SLC10A7: variants seen among roughly 807,000 people sequenced by gnomAD.
The protein encoded by SLC10A7 is solute carrier family 10 member 7.
In SLC10A7, 29 loss-of-function variants were observed where a neutral mutation model predicts 43.2. The ratio of observed to expected loss-of-function variants is 0.67; its 90% CI spans 0.50 to 0.92. SLC10A7 has a LOEUF of 0.92. Among genes scored for constraint, SLC10A7 ranks in the 40% least tolerant of loss-of-function variants. The pLI is 0.00. For synonymous variants in SLC10A7, 152 were observed against 144.8 expected (o/e 1.05, Z -0.35); for missense variants, 295 against 403.2 (o/e 0.73, Z 2.30).
chr4:146,483,860 A>C (rs1560952968), intron 4 of SLC10A7, among the ~76,000 whole-genome samples: 1 of 152,192 alleles, frequency 6.6e-6, no homozygotes, highest in Non-Finnish European at 1.5e-5. Flanking sequence ...ACTTCAAGTC[A>C]AAAACTGTCA....
chr4:146,261,755 T>G (rs1728238750), intron 10 of SLC10A7, among the ~76,000 whole-genome samples: 2 of 152,140 alleles, frequency 1.3e-5, no homozygotes, highest in African/African-American at 2.4e-5. Flanking sequence ...AAGTGAATAA[T>G]GTTAAAAATA....
At chr4:146,513,097 ATTGT>A (rs1181583529) in intron 2 of SLC10A7, among the ~76,000 whole-genome samples, 1 of 152,070 alleles carries the variant, frequency 6.6e-6, no homozygotes, top group African/African-American at 2.4e-5. Context: ...AATTGTTAAC[ATTGT>A]TTGTCTCCAG....
In SLC10A7 at chr4:146,521,871, G is replaced by A. The variant is rs1738721442; in HGVS notation, c.-154C>T. 4 of 628,052 alleles carry A rather than the reference G, an allele frequency of 6.4e-6. No homozygotes were observed. The highest frequency in any genetic ancestry group is 5.7e-5 in the East Asian group (2 of 35,296). 38.9% of individuals were successfully genotyped at this position (628,052 alleles called of 1,614,324 possible). A position where few individuals can be genotyped will look rare whatever the true frequency, so the allele number is the denominator to read the frequency against. On this transcript the variant is annotated 5_prime_UTR_variant, in exon 1 of 12. Transcript: ENST00000335472. ...TTGCCGATTGTAAAGTAAAGACCTGGGGGTTGCTCCGGCGGCTTTGAGGAG... is the reference window on the plus strand; with the variant it reads ...TTGCCGATTGTAAAGTAAAGACCTGAGGGTTGCTCCGGCGGCTTTGAGGAG...
intron 4 of SLC10A7, among the ~76,000 whole-genome samples, chr4:146,503,145 G>A (rs1238247811): frequency 6.6e-6 from 1 of 152,186 alleles, no homozygotes; most frequent in Non-Finnish European, 1.5e-5. Context: ...AGAATCCTAA[G>A]AATGAACTGA....
intron 10 of SLC10A7, among the ~76,000 whole-genome samples, chr4:146,264,459 CCATTCATTCATT>C (rs139509340): frequency 5.9e-5 from 9 of 151,986 alleles, no homozygotes; most frequent in African/African-American, 1.2e-4. Flanking sequence ...TATGTTCCTA[CCATTCATTCATT>C]CATTCATTCA....
chr4:146,272,014 T>C (rs1440316743), intron 10 of SLC10A7, among the ~76,000 whole-genome samples: 1 of 152,196 alleles, frequency 6.6e-6, no homozygotes, highest in African/African-American at 2.4e-5. Context: ...TCCTGTATAT[T>C]CAAGTGTCTG....
At chr4:146,472,774 A>C (rs1483647047) in intron 4 of SLC10A7, among the ~76,000 whole-genome samples, 1 of 152,206 alleles carries the variant, frequency 6.6e-6, no homozygotes, top group Non-Finnish European at 1.5e-5. Flanking sequence ...CCATTTTTCT[A>C]TGTCTGTTTA....
At chr4:146,316,089 T>C (rs561872487) in intron 6 of SLC10A7, among the ~76,000 whole-genome samples, 1 of 152,246 alleles carries the variant, frequency 6.6e-6, no homozygotes, top group African/African-American at 2.4e-5. Flanking sequence ...AAGATTAATA[T>C]GAAATTCCAA....
chr4:146,479,906 T>C (rs1321707834), intron 4 of SLC10A7, among the ~76,000 whole-genome samples: 1 of 152,114 alleles, frequency 6.6e-6, no homozygotes, highest in Non-Finnish European at 1.5e-5. Flanking sequence ...AATGTATACA[T>C]TCAACATTCA....
chr4:146,326,853 T>C (rs1733143265), intron 5 of SLC10A7, among the ~76,000 whole-genome samples: 1 of 151,976 alleles, frequency 6.6e-6, no homozygotes, highest in Non-Finnish European at 1.5e-5. Context: ...TGAATTCTAC[T>C]TGGAATTTTA....
chr4:146,334,118 A>G (rs1733721614), intron 5 of SLC10A7, among the ~76,000 whole-genome samples: 1 of 152,128 alleles, frequency 6.6e-6, no homozygotes, highest in South Asian at 2.1e-4. Context: ...TTACTGAGCC[A>G]GAGTGGAACT....
chr4:146,455,001 A>G (rs956550683), intron 4 of SLC10A7, among the ~76,000 whole-genome samples: 1 of 151,894 alleles, frequency 6.6e-6, no homozygotes, highest in African/African-American at 2.4e-5. Context: ...TTGATATTAT[A>G]TCTTTTAAAA....
chr4:146,381,671 G>A (rs1560854100), intron 5 of SLC10A7, among the ~76,000 whole-genome samples: 1 of 152,060 alleles, frequency 6.6e-6, no homozygotes, highest in Admixed American at 6.6e-5. Flanking sequence ...TCTTTAGGGA[G>A]GCAAGTTCTT....
intron 4 of SLC10A7, among the ~76,000 whole-genome samples, chr4:146,503,119 AATAG>A (rs1736571245): frequency 6.6e-6 from 1 of 152,220 alleles, no homozygotes; most frequent in Non-Finnish European, 1.5e-5. Context: ...TGAAAATGAA[AATAG>A]ATGTTGAAAG....
At position 146,399,987 on chromosome 4, in the gene SLC10A7, G is replaced by A. The variant is rs144967991; in HGVS notation, c.435+42796C>T. On this transcript the variant is annotated intron_variant, in intron 5 of 11. Coordinates refer to ENST00000335472, the MANE Select transcript of SLC10A7 (RefSeq NM_001029998.6). ...ATGATTGGATAAATTTTCCTGGGAAGATACTGTAGACAGAGTAAAGGCCAG... is the reference window on the plus strand; with the variant it reads ...ATGATTGGATAAATTTTCCTGGGAAAATACTGTAGACAGAGTAAAGGCCAG... Among the ~76,000 whole-genome samples the A allele has an allele frequency of 2.7e-3, 410 of 152,194 alleles. 2 individuals are homozygous for A. The highest frequency in any genetic ancestry group is 4.9e-3 in the Non-Finnish European group (336 of 68,006).
At chr4:146,355,110 C>T (rs1307440155) in intron 5 of SLC10A7, among the ~76,000 whole-genome samples, 2 of 144,766 alleles carry the variant, frequency 1.4e-5, no homozygotes, top group Admixed American at 1.4e-4. Flanking sequence ...CAACCTACAA[C>T]ATGGGAGAAA....
intron 4 of SLC10A7, among the ~76,000 whole-genome samples, chr4:146,455,686 C>A (rs903517128): frequency 2.0e-5 from 3 of 151,876 alleles, no homozygotes; most frequent in African/African-American, 7.3e-5. Context: ...CGCAGATCAT[C>A]TCATCAAGGC....
At chr4:146,319,183 G>A (rs1732525877) in intron 6 of SLC10A7, among the ~76,000 whole-genome samples, 1 of 152,006 alleles carries the variant, frequency 6.6e-6, no homozygotes, top group African/African-American at 2.4e-5. Context: ...TTTGTCCCCT[G>A]CTCTGTCTCT....
At chr4:146,265,522 G>A (rs1038447690) in intron 10 of SLC10A7, among the ~76,000 whole-genome samples, 6 of 152,134 alleles carry the variant, frequency 3.9e-5, no homozygotes, top group Non-Finnish European at 8.8e-5. Context: ...ACTCGTTCTA[G>A]ATGCATCACA....
Sources: allele counts gnomAD v4.1 joint callset (sites outside exome capture counted in the v4.1 genomes callset), GRCh38; gene constraint gnomAD v4.1.1; transcripts MANE v1.5; gene names NCBI Gene and HGNC (gene_info 2026-07-23, HGNC 2026-07-21).